The following DOCK2 variants were observed in gnomAD, a reference collection of about 807,000 sequenced individuals.
DOCK2 encodes dedicator of cytokinesis protein 2.
A neutral mutation model predicts 248.9 loss-of-function variants in DOCK2; 87 were observed. That is an observed-to-expected ratio of 0.35 (90% CI 0.29 to 0.42). The LOEUF is 0.42. Among genes scored for constraint, DOCK2 ranks in the 10% least tolerant of loss-of-function variants. DOCK2 has a pLI of 1.00. For missense variants in DOCK2, 1,747 were observed against 2,300.2 expected (o/e 0.76, Z 4.92); for synonymous variants, 805 against 821.6 (o/e 0.98, Z 0.35).
intron 27 of DOCK2, among the ~76,000 whole-genome samples, chr5:169,845,637 G>A (rs1387883831): frequency 1.3e-5 from 2 of 152,188 alleles, no homozygotes; most frequent in South Asian, 2.1e-4. Context: ...TTTTCTAAAT[G>A]TGGGAATCCA....
intron 8 of DOCK2, 135 bp from the exon 9 acceptor site, chr5:169,689,117 A>G: frequency 2.8e-6 from 2 of 713,782 alleles, no homozygotes; most frequent in South Asian, 1.8e-5. Flanking sequence ...GGGAAGGACC[A>G]TGTCTTTCTT....
chr5:170,068,553 T>A (rs1757574656), intron 45 of DOCK2, among the ~76,000 whole-genome samples: 1 of 152,188 alleles, frequency 6.6e-6, no homozygotes, highest in Non-Finnish European at 1.5e-5. Context: ...CATGCAGTCA[T>A]CATTGGTAAC....
chr5:169,651,685 C>A (rs968574157), intron 1 of DOCK2, among the ~76,000 whole-genome samples: 22 of 152,268 alleles, frequency 1.4e-4, no homozygotes, highest in African/African-American at 5.3e-4. Flanking sequence ...AGTGAGGACA[C>A]CAGCAAACTG....
intron 23 of DOCK2, among the ~76,000 whole-genome samples, chr5:169,758,375 C>T (rs542197303): frequency 6.6e-6 from 1 of 152,218 alleles, no homozygotes; most frequent in South Asian, 2.1e-4. Context: ...GAGATTGGGA[C>T]CCAGAGGAGG....
intron 26 of DOCK2, among the ~76,000 whole-genome samples, chr5:169,808,947 G>A (rs1387850803): frequency 6.6e-6 from 1 of 151,930 alleles, no homozygotes; most frequent in Admixed American, 6.6e-5. Flanking sequence ...AACCTGGGTG[G>A]GGGGCTACCA....
At chr5:169,965,497 G>T (rs1163745444) in intron 27 of DOCK2, among the ~76,000 whole-genome samples, 1 of 152,220 alleles carries the variant, frequency 6.6e-6, no homozygotes, top group East Asian at 1.9e-4. Flanking sequence ...AGTCAGGTCA[G>T]CATGGCTCAT....
At chr5:169,863,239 A>G (rs1771316018) in intron 27 of DOCK2, among the ~76,000 whole-genome samples, 1 of 152,220 alleles carries the variant, frequency 6.6e-6, no homozygotes, top group Non-Finnish European at 1.5e-5. Flanking sequence ...TAGTTTTTCA[A>G]TCAGGTGACC....
At chr5:169,684,805 A>T (rs1288882180) in intron 8 of DOCK2, among the ~76,000 whole-genome samples, 1 of 152,132 alleles carries the variant, frequency 6.6e-6, no homozygotes, top group African/African-American at 2.4e-5. Context: ...ATGTGCCACC[A>T]CACCTGCTTA....
chr5:170,004,719 A>G (rs1443946349), intron 30 of DOCK2, among the ~76,000 whole-genome samples: 1 of 145,974 alleles, frequency 6.9e-6, no homozygotes, highest in Non-Finnish European at 1.5e-5. Context: ...CATATACACC[A>G]TGGAATACTA....
intron 47 of DOCK2, among the ~76,000 whole-genome samples, chr5:170,076,966 C>T (rs886771789): frequency 1.3e-5 from 2 of 152,192 alleles, no homozygotes; most frequent in East Asian, 3.9e-4. Context: ...CCAGGCCACC[C>T]ACACTTCTGC....
intron 27 of DOCK2, among the ~76,000 whole-genome samples, chr5:169,844,113 A>G (rs1770161724): frequency 6.6e-6 from 1 of 152,220 alleles, no homozygotes; most frequent in Non-Finnish European, 1.5e-5. Flanking sequence ...GTTTAACTTT[A>G]GAAGAAACTG....
chr5:170,050,177 T>C, intron 40 of DOCK2, 79 bp from the exon 41 acceptor site: 1 of 1,560,156 alleles, frequency 6.4e-7, no homozygotes, highest in Non-Finnish European at 8.7e-7. Flanking sequence ...GTGGTCATTT[T>C]ACAAGCTCCC....
At chr5:169,832,898 A>G (rs929108109) in intron 26 of DOCK2, among the ~76,000 whole-genome samples, 1 of 152,130 alleles carries the variant, frequency 6.6e-6, no homozygotes. Context: ...TGTAGCTGTG[A>G]CCTTGTGATC....
chr5:170,039,253 G>T (rs1225441349), intron 36 of DOCK2, among the ~76,000 whole-genome samples: 3 of 152,170 alleles, frequency 2.0e-5, no homozygotes, highest in Non-Finnish European at 4.4e-5. Context: ...TTCCCCTTCA[G>T]ATCAACTGTT....
intron 27 of DOCK2, among the ~76,000 whole-genome samples, chr5:169,911,593 A>G (rs1420625026): frequency 1.3e-5 from 2 of 152,242 alleles, no homozygotes; most frequent in East Asian, 1.9e-4. Context: ...AATACCCTTC[A>G]GGCTTCATTT....
intron 5 of DOCK2, among the ~76,000 whole-genome samples, chr5:169,673,617 C>T (rs1409620528): frequency 6.6e-6 from 1 of 152,180 alleles, no homozygotes; most frequent in East Asian, 1.9e-4. Flanking sequence ...AACTCCTGGC[C>T]TCAAGCTATC....
At chr5:169,789,104 G>A (rs1325656624) in intron 25 of DOCK2, among the ~76,000 whole-genome samples, 1 of 152,134 alleles carries the variant, frequency 6.6e-6, no homozygotes, top group Non-Finnish European at 1.5e-5. Flanking sequence ...CTGGTTTTCT[G>A]TTCCTGCATT....
rs200922999 is a variant in DOCK2, at chr5:169,714,226, A to G, written c.1843+15A>G. The G allele has an allele frequency of 9.4e-6, 15 of 1,602,138 alleles. No individual in the cohort carries two copies. The highest frequency in any genetic ancestry group is 9.0e-5 in the East Asian group (4 of 44,616). On this transcript the variant is annotated intron_variant, in intron 18 of 51. Coordinates refer to ENST00000520908, the MANE Select transcript of DOCK2 (RefSeq NM_004946.3). ...CACTCAGAATGGTAATCGGGTCATC[A>G]AGAGTTGTGTCTGTGGGGAGTGTGT...
At chr5:169,832,495 G>A (rs1457101664) in intron 26 of DOCK2, among the ~76,000 whole-genome samples, 9 of 152,180 alleles carry the variant, frequency 5.9e-5, no homozygotes, top group African/African-American at 2.2e-4. Flanking sequence ...CCTTCGCTGA[G>A]CTGTCTCTGT....
Sources: allele counts gnomAD v4.1 joint callset (sites outside exome capture counted in the v4.1 genomes callset), GRCh38; gene constraint gnomAD v4.1.1; transcripts MANE v1.5; gene names NCBI Gene and HGNC (gene_info 2026-07-23, HGNC 2026-07-21).